SH3KBP1: variants seen among roughly 807,000 people sequenced by gnomAD.
SH3KBP1 encodes the protein SH3 domain containing kinase binding protein 1.
Under a neutral mutation model 50.1 loss-of-function variants are expected in SH3KBP1, and 8 were observed. That is an observed-to-expected ratio of 0.16 (90% CI 0.09 to 0.29). SH3KBP1 has a LOEUF of 0.29. SH3KBP1 is among the 10% of genes least tolerant of loss of function. The pLI is 1.00. For missense variants in SH3KBP1, 377 were observed against 535.2 expected (o/e 0.70, Z 2.92); for synonymous variants, 227 against 218.6 (o/e 1.04, Z -0.34).
intron 1 of SH3KBP1, among the ~76,000 whole-genome samples, chrX:19,856,949 G>C (rs1035684192): frequency 2.6e-5 from 1 of 37,966 alleles, no homozygotes; most frequent in Non-Finnish European, 4.7e-5. Flanking sequence ...GCTAATACTA[G>C]TCTTTTTTTT....
chrX:19,792,360 T>C (rs1215067517), intron 2 of SH3KBP1, among the ~76,000 whole-genome samples: 1 of 111,482 alleles, frequency 9.0e-6, no homozygotes, highest in Non-Finnish European at 1.9e-5. Context: ...TGAACCATGG[T>C]TATCTCGGCA....
intron 13 of SH3KBP1, among the ~76,000 whole-genome samples, chrX:19,561,815 C>CT (rs769428738): frequency 0.017 from 1,636 of 96,042 alleles, 17 homozygotes; most frequent in African/African-American, 0.035. Flanking sequence ...AATTGAAAGC[C>CT]TTTTTTTTTT....
intron 12 of SH3KBP1, among the ~76,000 whole-genome samples, chrX:19,571,381 T>A (rs187077288): frequency 8.9e-6 from 1 of 111,794 alleles, no homozygotes; most frequent in East Asian, 2.8e-4. Flanking sequence ...AGACTCCCTC[T>A]CCGTCCCCTG....
intron 3 of SH3KBP1, among the ~76,000 whole-genome samples, chrX:19,723,476 G>T (rs977330884): frequency 8.9e-5 from 10 of 112,004 alleles, no homozygotes; most frequent in Non-Finnish European, 1.9e-4. Flanking sequence ...TCCCATCTGT[G>T]TTTTTAAAAA....
intron 15 of SH3KBP1, 54 bp from the exon 16 acceptor site, chrX:19,542,247 C>A: frequency 9.2e-7 from 1 of 1,091,598 alleles, no homozygotes; most frequent in South Asian, 2.2e-5. Flanking sequence ...TGTGCTGCGT[C>A]TTTGTCCTGG....
chrX:19,685,510 A>C (rs964617811), intron 5 of SH3KBP1, among the ~76,000 whole-genome samples: 12 of 111,565 alleles, frequency 1.1e-4, no homozygotes, highest in Non-Finnish European at 2.3e-4. Context: ...GTGAGCAAAA[A>C]CACAGGACCG....
At chrX:19,632,546 TG>T (rs1490337348) in intron 7 of SH3KBP1, among the ~76,000 whole-genome samples, 1 of 112,406 alleles carries the variant, frequency 8.9e-6, no homozygotes, top group Non-Finnish European at 1.9e-5. Context: ...CACATATGTG[TG>T]GGGGTAAGCT....
chrX:19,819,668 T>C (rs2067465672), intron 2 of SH3KBP1, among the ~76,000 whole-genome samples: 1 of 111,541 alleles, frequency 9.0e-6, no homozygotes, highest in Non-Finnish European at 1.9e-5. Context: ...TTTAAAGAAC[T>C]GGCTTTTTCA....
At position 19,570,647 on chromosome X, in the gene SH3KBP1, C is replaced by T. The variant is rs957362409; in HGVS notation, c.1299-1459G>A. Reference sequence around the variant, plus strand: ...AGGGAGCTGACAGGACAGACTGCTGCGTTTTTCACTCAAAGAATGGGTGGT... The same window carrying T: ...AGGGAGCTGACAGGACAGACTGCTGTGTTTTTCACTCAAAGAATGGGTGGT... On this transcript the variant is annotated intron_variant, in intron 12 of 17. Transcript: ENST00000397821. 1.3e-4 allele frequency among the ~76,000 whole-genome samples: 14 copies of T among 111,572 alleles called. No individual in the cohort carries two copies. In the East Asian group the frequency reaches 3.1e-3, roughly 25 times the overall value.
chrX:19,766,811 C>A (rs753498582), intron 2 of SH3KBP1, among the ~76,000 whole-genome samples: 1 of 110,698 alleles, frequency 9.0e-6, no homozygotes, highest in Non-Finnish European at 1.9e-5. Context: ...TTTTGATGTA[C>A]GGAAGTTTTA....
rs749047912 is a variant in SH3KBP1 at position 19,877,625 on chromosome X, A to G, written c.4+9682T>C. On this transcript the variant is annotated intron_variant, in intron 1 of 17. Coordinates refer to ENST00000397821, the MANE Select transcript of SH3KBP1 (RefSeq NM_031892.3). ...ATGGCCCCAAGTCTTCTAAGTCTAGAACAGTCCAGAAAAATCTGGCAAAAA... is the reference window on the plus strand; with the variant it reads ...ATGGCCCCAAGTCTTCTAAGTCTAGGACAGTCCAGAAAAATCTGGCAAAAA... 2.7e-5 allele frequency among the ~76,000 whole-genome samples: 3 copies of G among 112,084 alleles called. 1 individual carries two copies. The highest frequency in any genetic ancestry group is 5.6e-5 in the Non-Finnish European group (3 of 53,215).
chrX:19,752,865 T>C (rs1271790909), intron 2 of SH3KBP1, among the ~76,000 whole-genome samples: 1 of 112,179 alleles, frequency 8.9e-6, no homozygotes, highest in Non-Finnish European at 1.9e-5. Context: ...TGAGATGTTT[T>C]CTGGGATCAA....
chrX:19,668,961 TATATATATA>T (rs2062703198), intron 6 of SH3KBP1, among the ~76,000 whole-genome samples: 3 of 60,281 alleles, frequency 5.0e-5, no homozygotes, highest in African/African-American at 1.9e-4. Flanking sequence ...TATATATATA[TATATATATA>T]TATATTTTTT....
chrX:19,851,945 CA>C (rs1465375377), intron 1 of SH3KBP1, among the ~76,000 whole-genome samples: 2 of 111,819 alleles, frequency 1.8e-5, no homozygotes, highest in East Asian at 5.6e-4. Flanking sequence ...ATGGCTACAG[CA>C]ACATCTCCTG....
At chrX:19,561,895 G>A (rs762533696) in intron 13 of SH3KBP1, among the ~76,000 whole-genome samples, 1 of 108,558 alleles carries the variant, frequency 9.2e-6, no homozygotes, top group African/African-American at 3.4e-5. Context: ...AAGGCGTGGG[G>A]AGATGAAGAG....
At chrX:19,821,145 C>T (rs762961408) in intron 2 of SH3KBP1, among the ~76,000 whole-genome samples, 229 of 112,239 alleles carry the variant, frequency 2.0e-3, no homozygotes, top group African/African-American at 6.9e-3. Flanking sequence ...AATCCCAGCA[C>T]TTTGGGAGGC....
intron 2 of SH3KBP1, among the ~76,000 whole-genome samples, chrX:19,789,452 C>T (rs961534582): frequency 9.0e-6 from 1 of 110,996 alleles, no homozygotes; most frequent in African/African-American, 3.3e-5. Flanking sequence ...AAATTCATTA[C>T]CTCACAGCTC....
chrX:19,629,256 G>A (rs980742265), intron 8 of SH3KBP1, among the ~76,000 whole-genome samples: 1 of 111,443 alleles, frequency 9.0e-6, no homozygotes, highest in African/African-American at 3.3e-5. Context: ...CAGCCACATG[G>A]ACCAAGGCCA....
intron 6 of SH3KBP1, among the ~76,000 whole-genome samples, chrX:19,654,931 A>T (rs1314756296): frequency 8.9e-6 from 1 of 112,124 alleles, no homozygotes; most frequent in African/African-American, 3.2e-5. Context: ...GCATACAAAG[A>T]TCTTTTCAGA....
Sources: allele counts gnomAD v4.1 joint callset (sites outside exome capture counted in the v4.1 genomes callset), GRCh38; gene constraint gnomAD v4.1.1; transcripts MANE v1.5; gene names NCBI Gene and HGNC (gene_info 2026-07-23, HGNC 2026-07-21).